Variants in PHF14 observed in about 807,000 individuals in gnomAD.
PHF14 encodes PHD finger protein 14.
In PHF14, 55 loss-of-function variants were observed where a neutral mutation model predicts 117.9. The ratio of observed to expected loss-of-function variants is 0.47; its 90% confidence interval spans 0.38 to 0.58. The LOEUF (loss-of-function observed/expected upper bound fraction) is 0.58, where lower values mean the gene tolerates loss of function less well. Ranked by LOEUF, PHF14 falls within the 20% of genes least tolerant of loss-of-function variation. The pLI is 0.00. For synonymous variants in PHF14, 409 were observed against 368.6 expected, an observed-to-expected ratio of 1.11 and a Z score of -1.26; for missense variants, 978 against 1,122.2, an observed-to-expected ratio of 0.87 and a Z score of 1.84.
At chr7:11,045,250 C>G (rs1784626797) in intron 13 of PHF14, among the ~76,000 whole-genome samples, 1 of 152,120 alleles carries the variant, frequency 6.6e-6, no homozygotes, top group Non-Finnish European at 1.5e-5. Flanking sequence ...TCTTACTAGT[C>G]CTTTCATTAG....
At chr7:11,106,315 AT>A (rs1787261447) in intron 16 of PHF14, 1 of 978,072 alleles carries the variant, frequency 1.0e-6, no homozygotes, top group South Asian at 4.7e-5. Flanking sequence ...CCATTCATTC[AT>A]TATTGGCTGA....
intron 4 of PHF14, among the ~76,000 whole-genome samples, chr7:11,012,049 C>T (rs1269930383): frequency 6.6e-6 from 1 of 152,210 alleles, no homozygotes; most frequent in African/African-American, 2.4e-5. Context: ...ACATTGCTTA[C>T]CAGCAGATTT....
intron 14 of PHF14, among the ~76,000 whole-genome samples, chr7:11,057,514 A>G (rs1474734707): frequency 6.6e-6 from 1 of 152,100 alleles, no homozygotes; most frequent in African/African-American, 2.4e-5. Flanking sequence ...AGCTGGGATT[A>G]CAGGTGTGCA....
At chr7:11,134,383 A>G (rs1788161962) in intron 17 of PHF14, among the ~76,000 whole-genome samples, 1 of 152,014 alleles carries the variant, frequency 6.6e-6, no homozygotes, top group South Asian at 2.1e-4. Context: ...TAAACAAAAG[A>G]TTCATTTTAT....
intron 16 of PHF14, among the ~76,000 whole-genome samples, chr7:11,087,655 A>T (rs561058477): frequency 6.6e-6 from 1 of 152,244 alleles, no homozygotes; most frequent in Non-Finnish European, 1.5e-5. Context: ...ATTGTGGATT[A>T]TAACCACAAC....
At chr7:11,016,761 A>C (rs1314555682) in intron 5 of PHF14, among the ~76,000 whole-genome samples, 2 of 152,134 alleles carry the variant, frequency 1.3e-5, no homozygotes, top group African/African-American at 2.4e-5. Context: ...ACCCTCTTTA[A>C]GTTATTTTTA....
chr7:11,154,690 A>G (rs1301058256), intron 17 of PHF14, among the ~76,000 whole-genome samples: 2 of 152,152 alleles, frequency 1.3e-5, no homozygotes, highest in Non-Finnish European at 2.9e-5. Context: ...CATGCAGACT[A>G]TAGAGTAACT....
chr7:11,022,434 G>A (rs1293514375), intron 5 of PHF14, among the ~76,000 whole-genome samples: 1 of 152,112 alleles, frequency 6.6e-6, no homozygotes, highest in Non-Finnish European at 1.5e-5. Flanking sequence ...CCTAATTACT[G>A]CAGAGTAAAT....
chr7:11,049,325 A>G lies in PHF14; in HGVS notation c.2313-2287A>G, dbSNP rs1245645191. 2.0e-5 allele frequency among the ~76,000 whole-genome samples: 3 copies of G among 151,972 alleles called. No individual in the cohort carries two copies. The East Asian group carries it at 5.8e-4, about 29-fold the overall frequency. ...CCCTGTCTCTACTAAAAAATCCAAA[A>G]TTAACTGTGCGTGGTGGCACACACC... On this transcript the variant is annotated intron_variant, in intron 13 of 17. Transcript: ENST00000634607.
At chr7:11,132,708 C>G (rs1277538036) in intron 17 of PHF14, among the ~76,000 whole-genome samples, 2 of 151,680 alleles carry the variant, frequency 1.3e-5, no homozygotes, top group African/African-American at 4.8e-5. Context: ...TACCAACTTA[C>G]ATTCCTACTA....
At chr7:11,133,270 T>G (rs1213722913) in intron 17 of PHF14, among the ~76,000 whole-genome samples, 3 of 151,708 alleles carry the variant, frequency 2.0e-5, no homozygotes, top group Non-Finnish European at 4.4e-5. Context: ...GAGAACAAAG[T>G]CAGAGGACTG....
intron 17 of PHF14, among the ~76,000 whole-genome samples, chr7:11,115,490 T>G (rs1353392804): frequency 6.6e-6 from 1 of 152,082 alleles, no homozygotes; most frequent in African/African-American, 2.4e-5. Context: ...GGTGCATACT[T>G]AAGATGTTTT....
chr7:11,086,576 A>G (rs1786417456), intron 16 of PHF14, among the ~76,000 whole-genome samples: 2 of 152,190 alleles, frequency 1.3e-5, no homozygotes, highest in African/African-American at 4.8e-5. Flanking sequence ...TTAATATTCC[A>G]GGTCCGAAGC....
At chr7:11,067,944 C>T (rs565657897) in intron 16 of PHF14, among the ~76,000 whole-genome samples, 2 of 152,252 alleles carry the variant, frequency 1.3e-5, no homozygotes, top group South Asian at 2.1e-4. Context: ...GACGTAAACA[C>T]CTCCCATTAG....
At chr7:11,081,373 T>A (rs1265775755) in intron 16 of PHF14, among the ~76,000 whole-genome samples, 2 of 152,226 alleles carry the variant, frequency 1.3e-5, no homozygotes, top group Non-Finnish European at 2.9e-5. Context: ...AAGAATATTC[T>A]TTATGGTGCT....
intron 17 of PHF14, among the ~76,000 whole-genome samples, chr7:11,160,149 G>A (rs986759282): frequency 2.9e-4 from 44 of 152,218 alleles, no homozygotes; most frequent in African/African-American, 9.6e-4. Context: ...CCACTTATGA[G>A]TAAGAACATG....
At chr7:11,131,003 T>A (rs1788078459) in intron 17 of PHF14, among the ~76,000 whole-genome samples, 1 of 151,932 alleles carries the variant, frequency 6.6e-6, no homozygotes, top group Admixed American at 6.6e-5. Context: ...CTTTTTTTTT[T>A]AATCACTGAG....
intron 16 of PHF14, among the ~76,000 whole-genome samples, chr7:11,083,464 A>ATTTTTTT (rs776573456): frequency 2.7e-5 from 3 of 112,308 alleles, no homozygotes; most frequent in Non-Finnish European, 3.5e-5. Context: ...TGCTTTCCCT[A>ATTTTTTT]TTTTTTTTTT....
intron 5 of PHF14, 53 bp downstream of exon 5, chr7:11,013,959 T>A: frequency 8.3e-7 from 1 of 1,210,670 alleles, no homozygotes; most frequent in South Asian, 1.6e-5. Flanking sequence ...TGTGTCTGCC[T>A]TTGACTTCCC....
Sources: gnomAD v4.1 joint callset for allele counts (sites outside exome capture counted in the v4.1 genomes callset) on GRCh38, gnomAD v4.1.1 for gene constraint, MANE v1.5 for transcripts, NCBI Gene and HGNC (gene_info 2026-07-23, HGNC 2026-07-21) for gene names.